Variants in MYO7A observed in about 807,000 individuals in gnomAD.
MYO7A encodes unconventional myosin-VIIa.
MYO7A carries 210 observed loss-of-function variants against 263.8 expected under a neutral mutation model. That is an observed-to-expected ratio of 0.80 (90% CI 0.71 to 0.89). The LOEUF (loss-of-function observed/expected upper bound fraction) is 0.89. Ranked by LOEUF, MYO7A falls within the 40% of genes least tolerant of loss-of-function variation. MYO7A has a pLI of 0.00. For synonymous variants in MYO7A, 1,239 were observed against 1,197.3 expected (o/e 1.03, Z -0.72); for missense variants, 2,820 against 2,968.3 (o/e 0.95, Z 1.16).
intron 45 of MYO7A, 85 bp from the exon 46 acceptor site, chr11:77,211,736 G>T: frequency 9.6e-7 from 1 of 1,037,490 alleles, no homozygotes; most frequent in Non-Finnish European, 1.5e-6. Context: ...GGTGGTGTGG[G>T]GAGGACTCTG....
chr11:77,189,579 C>T, intron 28 of MYO7A, 109 bp downstream of exon 28: 1 of 1,456,246 alleles, frequency 6.9e-7, no homozygotes, highest in Admixed American at 1.9e-5. Context: ...ACAAGGCCCA[C>T]CCGGCCACTC....
intron 17 of MYO7A, 33 bp downstream of exon 17, chr11:77,174,947 G>T (rs1954494929): frequency 6.3e-7 from 1 of 1,598,872 alleles, no homozygotes; most frequent in African/African-American, 1.3e-5. Context: ...GGCAGGAGGG[G>T]AGGGTCCCAG....
chr11:77,165,930 G>T (rs112709387), intron 14 of MYO7A, 126 bp from the exon 15 acceptor site: 6,998 of 672,802 alleles, frequency 0.01, 68 homozygotes, highest in Non-Finnish European at 0.014. Flanking sequence ...AGGCCTCAGG[G>T]CCCCCGTCAT....
Position 77,160,143 on chromosome 11 carries a change from TG to T in MYO7A, c.1081-16del. 6.5e-7 allele frequency: 1 copy of T among 1,549,046 alleles called. No individual in the cohort carries two copies. Among genetic ancestry groups the T allele is most frequent in the Non-Finnish European group, 8.7e-7 (1 of 1,146,710 alleles). Reference sequence around the variant, plus strand: ...AGGGGCAGGCTGGCAGGTGAGCACCTGGGGTGTTGCCTGTACCAGGTGAACC... The same window carrying T: ...AGGGGCAGGCTGGCAGGTGAGCACCTGGGTGTTGCCTGTACCAGGTGAACC... On this transcript the variant is annotated intron_variant, in intron 10 of 48. Transcript: ENST00000409709.
intron 15 of MYO7A, among the ~76,000 whole-genome samples, chr11:77,171,732 C>T (rs1160600851): frequency 6.6e-6 from 1 of 152,174 alleles, no homozygotes; most frequent in Non-Finnish European, 1.5e-5. Flanking sequence ...AAATTCTCAA[C>T]CAAATGAAAA....
At chr11:77,153,948 CATT>C (rs1215634654) in intron 4 of MYO7A, among the ~76,000 whole-genome samples, 2 of 152,174 alleles carry the variant, frequency 1.3e-5, no homozygotes, top group African/African-American at 4.8e-5. Flanking sequence ...CTGAGCATCA[CATT>C]ATTAAGAAGA....
chr11:77,185,512 G>A (rs1323198904), intron 27 of MYO7A, among the ~76,000 whole-genome samples: 3 of 152,178 alleles, frequency 2.0e-5, no homozygotes, highest in Non-Finnish European at 2.9e-5. Flanking sequence ...ATTTGATCAT[G>A]ACATTGCAGC....
intron 40 of MYO7A, 28 bp from the exon 41 acceptor site, chr11:77,206,069 C>T (rs1460118144): frequency 1.3e-6 from 2 of 1,556,458 alleles, no homozygotes; most frequent in Admixed American, 1.8e-5. Context: ...CACGCACATG[C>T]CCCCTGCTGC....
At position 77,181,504 on chromosome 11, in the gene MYO7A, C is replaced by T. The variant is rs1955180601; in HGVS notation, c.2819C>T (p.Ser940Leu). 1.9e-6 allele frequency: 3 copies of T among 1,613,434 alleles called. No homozygotes were observed. The highest frequency in any genetic ancestry group is 2.7e-5 in the African/African-American group (2 of 74,950). Residue 940 changes from serine (S) to leucine (L), a missense_variant, in exon 23 of 49, where the codon TCA (serine) becomes TTA (leucine). By Grantham distance (145) the Ser-to-Leu change is moderately radical. Coordinates refer to ENST00000409709, the MANE Select transcript of MYO7A (RefSeq NM_000260.4). The stretch of plus-strand genomic sequence containing the variant: ...GCCCGCCATGAGCCTGTCAATCACT[C>T]AGACATGGTGGACAAGATGTTTGGC... ...ERARHEPVNH[S>L]DMVDKMFGFL...
chr11:77,147,235 C>CT (rs1412835304), intron 3 of MYO7A, among the ~76,000 whole-genome samples: 2 of 151,664 alleles, frequency 1.3e-5, no homozygotes, highest in Admixed American at 6.6e-5. Flanking sequence ...TCCCCCTAAT[C>CT]TTTTTACAGT....
rs1183429309 is a variant in MYO7A at position 77,214,928 on chromosome 11, C to T, written c.*232C>T. 3.9e-6 allele frequency: 2 copies of T among 518,266 alleles called. No homozygotes were observed. The highest frequency in any genetic ancestry group is 5.3e-5 in the South Asian group (2 of 38,088). The allele number at this position is 518,266 out of a possible 1,614,324, so 32.1% of individuals were successfully genotyped here. A position where few individuals can be genotyped will look rare whatever the true frequency, so the allele number is the denominator to read the frequency against. On this transcript the variant is annotated 3_prime_UTR_variant, in exon 49 of 49. Transcript: ENST00000409709. The stretch of plus-strand genomic sequence containing the variant: ...CCTCTGGCACCTGGGTTGGTCTAAT[C>T]CTAGTTTGCTGTGGCCTTCCCGGTT...
chr11:77,193,368 C>T (rs1956372654), intron 31 of MYO7A, among the ~76,000 whole-genome samples: 2 of 126,212 alleles, frequency 1.6e-5, no homozygotes, highest in Non-Finnish European at 3.3e-5. Context: ...TTGACAATGA[C>T]AGTGTTGTTG....
chr11:77,182,414 T>C lies in MYO7A; in HGVS notation c.3109-10T>C. The C allele has an allele frequency of 1.2e-6, 2 of 1,609,618 alleles. No individual in the cohort carries two copies. Among genetic ancestry groups the C allele is most frequent in the Non-Finnish European group, 1.7e-6 (2 of 1,177,916 alleles). On this transcript the variant is annotated splice_polypyrimidine_tract_variant and intron_variant, in intron 24 of 48. Coordinates refer to ENST00000409709, the MANE Select transcript of MYO7A (RefSeq NM_000260.4). Reference sequence around the variant, plus strand: ...CCGCTCTGGCCTCTGACATGCGCGCTCTGCCCCAGGCAGCCCTGGCGGTCT... The same window carrying C: ...CCGCTCTGGCCTCTGACATGCGCGCCCTGCCCCAGGCAGCCCTGGCGGTCT...
chr11:77,131,185 G>GA (rs1950756521), intron 2 of MYO7A, among the ~76,000 whole-genome samples: 1 of 152,132 alleles, frequency 6.6e-6, no homozygotes, highest in Admixed American at 6.5e-5. Flanking sequence ...GCCCTTCCCC[G>GA]TGATCAGTCT....
rs1591299529 is a variant in MYO7A at position 77,162,914 on chromosome 11, T to C, written c.1616T>C (p.Ile539Thr). The C allele has an allele frequency of 6.2e-7, 1 of 1,612,488 alleles. No homozygotes were observed. The change falls in exon 14 of 49, where the codon ATC becomes ACC. Residue 539 changes from isoleucine (I) to threonine (T), a missense_variant. Transcript: ENST00000409709. ...NSQHKLNANY[I>T]PPKNNHETQF... ...CAGCACAAGCTCAACGCCAACTACA[T>C]CCCCCCCAAGAACAACCATGAGACC...
chr11:77,194,344 C>G lies in MYO7A; in HGVS notation c.4153-10C>G, dbSNP rs397516306. 2 of 1,609,242 alleles carry G rather than the reference C, an allele frequency of 1.2e-6. No individual in the cohort carries two copies. Among genetic ancestry groups the G allele is most frequent in the African/African-American group, 1.3e-5 (1 of 74,834 alleles). Reference sequence around the variant, plus strand: ...GGGCCAATGCATGACCGAGGCCTCCCCCCACCTAGGAGGACGACCTGGCTG... The same window carrying G: ...GGGCCAATGCATGACCGAGGCCTCCGCCCACCTAGGAGGACGACCTGGCTG... On this transcript the variant is annotated splice_polypyrimidine_tract_variant and intron_variant, in intron 31 of 48. Transcript: ENST00000409709.
chr11:77,132,669 A>C (rs1404814668), intron 2 of MYO7A, among the ~76,000 whole-genome samples: 1 of 152,050 alleles, frequency 6.6e-6, no homozygotes, highest in Non-Finnish European at 1.5e-5. Context: ...TTGTATTTTT[A>C]ATAAAGACGG....
intron 46 of MYO7A, chr11:77,212,226 T>C (rs1472366128): frequency 3.6e-6 from 2 of 551,508 alleles, no homozygotes; most frequent in South Asian, 3.1e-5. Context: ...CTCGCCCAGG[T>C]GGCAGAGCTC....
chr11:77,212,753 G>T, intron 46 of MYO7A, 199 bp from the exon 47 acceptor site: 2 of 607,600 alleles, frequency 3.3e-6, no homozygotes, highest in Non-Finnish European at 5.9e-6. Flanking sequence ...AGGATGGCCT[G>T]GGGGACCCAG....
Sources: gnomAD v4.1 joint callset for allele counts (sites outside exome capture counted in the v4.1 genomes callset) on GRCh38, gnomAD v4.1.1 for gene constraint, MANE v1.5 for transcripts, NCBI Gene and HGNC (gene_info 2026-07-23, HGNC 2026-07-21) for gene names.